The following KCNMA1 variants were observed in gnomAD, a reference collection of about 807,000 sequenced individuals.
The protein encoded by KCNMA1 is Calcium-activated potassium channel subunit alpha-1.
In KCNMA1, 29 loss-of-function variants were observed where a neutral mutation model predicts 140.0. The observed-to-expected ratio is 0.21, with a 90% CI of 0.15 to 0.28. The LOEUF (loss-of-function observed/expected upper bound fraction) is 0.28, where lower values mean the gene tolerates loss of function less well. Ranked by LOEUF, KCNMA1 falls within the 10% of genes least tolerant of loss-of-function variation. KCNMA1 has a pLI of 1.00. For missense variants in KCNMA1, 880 were observed against 1,602.2 expected (o/e 0.55, Z 7.70); for synonymous variants, 612 against 611.9 (o/e 1.00, Z 0.00).
At chr10:77,219,435 A>T (rs915714435) in intron 3 of KCNMA1, among the ~76,000 whole-genome samples, 4 of 152,018 alleles carry the variant, frequency 2.6e-5, no homozygotes, top group African/African-American at 9.7e-5. Context: ...CCATATCCAT[A>T]CCAGCCTGGG....
chr10:77,120,521 C>A (rs556789954), intron 6 of KCNMA1, among the ~76,000 whole-genome samples: 26 of 152,244 alleles, frequency 1.7e-4, no homozygotes, highest in Non-Finnish European at 2.9e-4. Context: ...TTGTGATTGC[C>A]TCTCACAGCA....
intron 1 of KCNMA1, 47 bp from the exon 2 acceptor site, chr10:77,404,070 T>C: frequency 6.3e-7 from 1 of 1,590,994 alleles, no homozygotes; most frequent in Non-Finnish European, 8.6e-7. Flanking sequence ...ACAATGGATT[T>C]AAATAACATG....
At chr10:77,515,626 C>T (rs2050123440) in intron 1 of KCNMA1, among the ~76,000 whole-genome samples, 1 of 152,238 alleles carries the variant, frequency 6.6e-6, no homozygotes, top group African/African-American at 2.4e-5. Context: ...AGGAGGGAAT[C>T]AGGAACTCTT....
intron 1 of KCNMA1, among the ~76,000 whole-genome samples, chr10:77,452,235 T>A (rs2097676440): frequency 6.6e-6 from 1 of 152,192 alleles, no homozygotes; most frequent in Non-Finnish European, 1.5e-5. Context: ...CTCCTGGTCA[T>A]GTCCCATACC....
chr10:77,210,853 A>G (rs180844815), intron 3 of KCNMA1, among the ~76,000 whole-genome samples: 1 of 152,314 alleles, frequency 6.6e-6, no homozygotes, highest in East Asian at 1.9e-4. Flanking sequence ...AGCACAGCTA[A>G]AAAAGGAAGT....
intron 2 of KCNMA1, among the ~76,000 whole-genome samples, chr10:77,290,552 C>T (rs1212373164): frequency 2.0e-5 from 3 of 152,150 alleles, no homozygotes; most frequent in Admixed American, 6.5e-5. Flanking sequence ...CACTTTAATC[C>T]CATTACCCAA....
chr10:77,216,206 T>A (rs1377600057), intron 3 of KCNMA1, among the ~76,000 whole-genome samples: 1 of 152,194 alleles, frequency 6.6e-6, no homozygotes, highest in Non-Finnish European at 1.5e-5. Flanking sequence ...GAATGTGGAA[T>A]GATTGCCAAT....
intron 2 of KCNMA1, among the ~76,000 whole-genome samples, chr10:77,308,655 CA>C (rs1484728314): frequency 6.6e-6 from 1 of 152,136 alleles, no homozygotes; most frequent in East Asian, 1.9e-4. Context: ...GAGACATGAC[CA>C]AAATGGCAGC....
At chr10:77,592,255 T>C (rs2079437157) in intron 1 of KCNMA1, among the ~76,000 whole-genome samples, 2 of 152,024 alleles carry the variant, frequency 1.3e-5, no homozygotes, top group Admixed American at 1.3e-4. Flanking sequence ...TCTTCACCAA[T>C]GTCAAAGTCA....
chr10:77,480,716 G>T (rs931273400), intron 1 of KCNMA1, among the ~76,000 whole-genome samples: 1 of 151,932 alleles, frequency 6.6e-6, no homozygotes, highest in African/African-American at 2.4e-5. Flanking sequence ...CTTGCCTAGC[G>T]CAGCTTCCCC....
intron 3 of KCNMA1, among the ~76,000 whole-genome samples, chr10:77,210,988 C>T (rs1218619369): frequency 6.6e-6 from 1 of 152,084 alleles, no homozygotes. Flanking sequence ...GGCCATACTA[C>T]CTAAAGCAAT....
At chr10:77,360,255 C>T (rs995752284) in intron 2 of KCNMA1, among the ~76,000 whole-genome samples, 1 of 152,154 alleles carries the variant, frequency 6.6e-6, no homozygotes, top group African/African-American at 2.4e-5. Context: ...GCTATGATTC[C>T]AGGGCAGCCT....
In KCNMA1 at chr10:77,144,898, C is replaced by T. The variant is rs928764195; in HGVS notation, c.809-23850G>A. ...ACTCCTAGCCTCATTTCCTCATCTC[C>T]GAAATAGGGATTATGACATCTACTT... On this transcript the variant is annotated intron_variant, in intron 5 of 27. Coordinates refer to ENST00000286628, the MANE Select transcript of KCNMA1 (RefSeq NM_001161352.2). Among the ~76,000 whole-genome samples the T allele has an allele frequency of 5.3e-5, 8 of 152,076 alleles. No individual in the cohort carries two copies. The East Asian group carries it at 7.7e-4, about 15-fold the overall frequency.
At chr10:76,888,176 CCT>C (rs1464752206) in intron 27 of KCNMA1, 1 of 154,688 alleles carries the variant, frequency 6.5e-6, no homozygotes, top group African/African-American at 2.4e-5. Context: ...GTCAGCATCA[CCT>C]AGGAACTAGG....
At chr10:77,155,069 G>A (rs2098467370) in intron 5 of KCNMA1, among the ~76,000 whole-genome samples, 1 of 152,194 alleles carries the variant, frequency 6.6e-6, no homozygotes, top group African/African-American at 2.4e-5. Context: ...AGCCTGGGGG[G>A]TGCAGGAGAA....
intron 4 of KCNMA1, among the ~76,000 whole-genome samples, chr10:77,184,440 G>C (rs2098830853): frequency 1.3e-5 from 2 of 152,124 alleles, no homozygotes; most frequent in Non-Finnish European, 2.9e-5. Flanking sequence ...GGCTGGTCTC[G>C]AACTCCTGAC....
intron 2 of KCNMA1, among the ~76,000 whole-genome samples, chr10:77,323,317 C>A (rs141046746): frequency 1.3e-5 from 2 of 152,322 alleles, no homozygotes; most frequent in Admixed American, 6.5e-5. Context: ...TACACCAAGA[C>A]TCAAGAGTTG....
At chr10:76,869,871 T>G (rs978465281) in exon 28 of KCNMA1, 1 of 152,546 alleles carries the variant, frequency 6.6e-6, no homozygotes, top group Non-Finnish European at 1.5e-5. Flanking sequence ...TCAATGAACA[T>G]GTAGGCTGAA....
At chr10:76,998,124 C>T (rs189293126) in intron 19 of KCNMA1, among the ~76,000 whole-genome samples, 72 of 152,270 alleles carry the variant, frequency 4.7e-4, no homozygotes, top group Admixed American at 4.7e-3. Context: ...CTCAACCGAT[C>T]CACAGTAATG....
Sources: gnomAD v4.1 joint callset for allele counts (sites outside exome capture counted in the v4.1 genomes callset) on GRCh38, gnomAD v4.1.1 for gene constraint, MANE v1.5 for transcripts, NCBI Gene and HGNC (gene_info 2026-07-23, HGNC 2026-07-21) for gene names.